The following WDR7 variants were observed in gnomAD, a reference collection of about 807,000 sequenced individuals.
The protein encoded by WDR7 is WD repeat-containing protein 7.
WDR7 carries 46 observed loss-of-function variants against 169.4 expected under a neutral mutation model. That is an observed-to-expected ratio of 0.27 (90% CI 0.21 to 0.35). The LOEUF (loss-of-function observed/expected upper bound fraction) is 0.35. WDR7 is among the 10% of genes least tolerant of loss of function. WDR7 has a pLI of 1.00. For synonymous variants in WDR7, 612 were observed against 666.8 expected (o/e 0.92, Z 1.27); for missense variants, 1,534 against 1,859.3 (o/e 0.83, Z 3.22).
intron 16 of WDR7, among the ~76,000 whole-genome samples, chr18:56,762,026 C>T (rs2043987718): frequency 6.6e-6 from 1 of 151,894 alleles, no homozygotes; most frequent in South Asian, 2.1e-4. Flanking sequence ...ACCTTTTATT[C>T]CTTCTTTGCT....
intron 19 of WDR7, among the ~76,000 whole-genome samples, chr18:56,804,706 CTT>C (rs1311682406): frequency 6.6e-6 from 1 of 152,194 alleles, no homozygotes; most frequent in East Asian, 1.9e-4. Flanking sequence ...CAATCTAAGT[CTT>C]TTGATGAGAA....
chr18:56,738,250 G>C (rs1295695804), intron 14 of WDR7, among the ~76,000 whole-genome samples: 1 of 152,134 alleles, frequency 6.6e-6, no homozygotes, highest in Non-Finnish European at 1.5e-5. Flanking sequence ...CTTCTTATTA[G>C]CTTTGGTGAT....
intron 21 of WDR7, among the ~76,000 whole-genome samples, chr18:56,908,518 GACAT>G (rs1408766363): frequency 6.6e-6 from 1 of 152,172 alleles, no homozygotes; most frequent in Non-Finnish European, 1.5e-5. Flanking sequence ...TGTGGAATAT[GACAT>G]ACATTATTAC....
intron 26 of WDR7, among the ~76,000 whole-genome samples, chr18:56,974,356 T>A (rs961526749): frequency 1.3e-5 from 2 of 148,912 alleles, no homozygotes; most frequent in Admixed American, 1.3e-4. Context: ...TTCTTTGCTT[T>A]TCTTGCTTTT....
At chr18:56,696,176 CT>C (rs747551620) in intron 11 of WDR7, 65 bp from the exon 12 acceptor site, 4 of 1,336,872 alleles carry the variant, frequency 3.0e-6, no homozygotes, top group Admixed American at 2.4e-5. Flanking sequence ...TTCATGTTTA[CT>C]TTTACTTACT....
chr18:56,702,997 G>A (rs1321321964), intron 12 of WDR7, among the ~76,000 whole-genome samples: 1 of 152,142 alleles, frequency 6.6e-6, no homozygotes, highest in Non-Finnish European at 1.5e-5. Context: ...CTACATGTAA[G>A]CATATAGGCT....
intron 20 of WDR7, among the ~76,000 whole-genome samples, chr18:56,820,307 G>A (rs576716034): frequency 3.0e-5 from 3 of 98,962 alleles, no homozygotes; most frequent in Non-Finnish European, 3.8e-5. Flanking sequence ...GACCAAAAAC[G>A]ATGATAAAGG....
chr18:56,927,682 A>G (rs79866340), intron 22 of WDR7, among the ~76,000 whole-genome samples: 5,790 of 152,324 alleles, frequency 0.038, 141 homozygotes, highest in Non-Finnish European at 0.053. Context: ...GCAACTTTAC[A>G]TCTTTGAAAT....
rs192200246 is a variant in WDR7, at chr18:56,947,294, C to G, written c.4064+7901C>G. Among the ~76,000 whole-genome samples the G allele has an allele frequency of 2.4e-4, 36 of 152,196 alleles. 1 individual carries two copies. The highest frequency in any genetic ancestry group is 1.9e-3 in the East Asian group (10 of 5,188). The stretch of plus-strand genomic sequence containing the variant: ...ATAAGGTAACATTTAAGAAATGAAT[C>G]TCTGTTGGTTCTTTCCCAGCTGGGC... On this transcript the variant is annotated intron_variant, in intron 25 of 27. Coordinates refer to ENST00000254442, the MANE Select transcript of WDR7 (RefSeq NM_015285.3).
intron 26 of WDR7, chr18:57,010,129 G>A: frequency 1.0e-6 from 1 of 985,414 alleles, no homozygotes; most frequent in Non-Finnish European, 1.2e-6. Context: ...GAAGCAGGAG[G>A]GGAGGGATTT....
chr18:56,740,832 C>T (rs1370645240), intron 14 of WDR7, among the ~76,000 whole-genome samples: 1 of 152,182 alleles, frequency 6.6e-6, no homozygotes, highest in Non-Finnish European at 1.5e-5. Flanking sequence ...TGGCATTTAA[C>T]ATGAATGGCC....
intron 22 of WDR7, among the ~76,000 whole-genome samples, chr18:56,929,632 A>G (rs1173705379): frequency 6.6e-6 from 1 of 152,224 alleles, no homozygotes; most frequent in East Asian, 1.9e-4. Flanking sequence ...CTCCTGTACC[A>G]TACGGCTATG....
At chr18:56,872,692 G>C (rs2045970033) in intron 20 of WDR7, 1 of 151,890 alleles carries the variant, frequency 6.6e-6, no homozygotes, top group Admixed American at 6.6e-5. Context: ...TTCCACACAG[G>C]GCTAGTTGAA....
chr18:56,910,105 A>G lies in WDR7; in HGVS notation c.3527-13817A>G, dbSNP rs78580530. 6.6e-3 allele frequency among the ~76,000 whole-genome samples: 1,001 copies of G among 152,312 alleles called. 13 individuals are homozygous for G. Among genetic ancestry groups the G allele is most frequent in the Middle Eastern group, 0.024 (7 of 294 alleles). Reference sequence around the variant, plus strand: ...TGACAATTTCTTCCTTCAAACTTACATAATAACAAAATTAGGATGGAATAT... The same window carrying G: ...TGACAATTTCTTCCTTCAAACTTACGTAATAACAAAATTAGGATGGAATAT... On this transcript the variant is annotated intron_variant, in intron 21 of 27. Transcript: ENST00000254442.
chr18:56,688,504 G>A (rs1428999886), intron 7 of WDR7, among the ~76,000 whole-genome samples: 1 of 150,328 alleles, frequency 6.7e-6, no homozygotes, highest in Non-Finnish European at 1.5e-5. Context: ...AGATCACAAG[G>A]TCAGGAGTTC....
chr18:56,749,865 G>C (rs2043761739), intron 14 of WDR7, among the ~76,000 whole-genome samples: 1 of 151,534 alleles, frequency 6.6e-6, no homozygotes, highest in Admixed American at 6.6e-5. Flanking sequence ...TATTTCATCA[G>C]ACATGATTTA....
intron 1 of WDR7, among the ~76,000 whole-genome samples, chr18:56,665,251 C>T (rs11662767): frequency 0.19 from 27,773 of 150,032 alleles, 3,190 homozygotes; most frequent in Admixed American, 0.28. Flanking sequence ...CGAGATTGCA[C>T]CACTGCACTC....
At chr18:56,773,887 CTCTT>C (rs1336590015) in intron 16 of WDR7, among the ~76,000 whole-genome samples, 1 of 151,958 alleles carries the variant, frequency 6.6e-6, no homozygotes, top group African/African-American at 2.4e-5. Flanking sequence ...TTCATGTTTT[CTCTT>C]TCTTCTCTTC....
At chr18:56,739,876 AT>A (rs58692081) in intron 14 of WDR7, among the ~76,000 whole-genome samples, 5,957 of 137,982 alleles carry the variant, frequency 0.043, 337 homozygotes, top group African/African-American at 0.15. Context: ...CCTAGATGTG[AT>A]TTTTTTTTTT....
Sources: allele counts gnomAD v4.1 joint callset (sites outside exome capture counted in the v4.1 genomes callset), GRCh38; gene constraint gnomAD v4.1.1; transcripts MANE v1.5; gene names NCBI Gene and HGNC (gene_info 2026-07-23, HGNC 2026-07-21).